WDPCP: variants seen among roughly 807,000 people sequenced by gnomAD.
WDPCP encodes WD repeat-containing and planar cell polarity effector protein fritz homolog.
Under a neutral mutation model 93.1 loss-of-function variants are expected in WDPCP, and 71 were observed. The ratio of observed to expected loss-of-function variants is 0.76; its 90% CI spans 0.63 to 0.93. The LOEUF (loss-of-function observed/expected upper bound fraction) is 0.93, where lower values mean the gene tolerates loss of function less well. Ranked by LOEUF, WDPCP falls within the 40% of genes least tolerant of loss-of-function variation. WDPCP has a pLI of 0.00. For synonymous variants in WDPCP, 315 were observed against 315.0 expected, an observed-to-expected ratio of 1.00 and a Z score of 0.00; for missense variants, 844 against 887.4, an observed-to-expected ratio of 0.95 and a Z score of 0.62.
At chr2:63,127,237 T>G (rs1426178322) in intron 17 of WDPCP, among the ~76,000 whole-genome samples, 1 of 150,710 alleles carries the variant, frequency 6.6e-6, no homozygotes, top group Non-Finnish European at 1.5e-5. Context: ...TTCTCCTGCC[T>G]CAGCCTCCCG....
intron 3 of WDPCP, chr2:63,605,525 TAA>T: frequency 2.9e-6 from 2 of 678,250 alleles, no homozygotes; most frequent in Non-Finnish European, 5.1e-6. Context: ...TATTAACAAG[TAA>T]ACTTCGGGGT....
In WDPCP at chr2:63,653,725, A is replaced by G. The variant is rs137891212; in HGVS notation, n.309-2887T>C. Among the ~76,000 whole-genome samples the G allele has an allele frequency of 1.1e-3, 166 of 152,286 alleles. 1 individual carries two copies. The East Asian group carries it at 0.028, about 26-fold the overall frequency. On this transcript the variant is annotated intron_variant and non_coding_transcript_variant, in intron 2 of 4. Transcript: ENST00000467687. The stretch of plus-strand genomic sequence containing the variant: ...CAGGAGTTCGTGACCAGCCGGGCCA[A>G]CAGGGCGAAACCCCGTCTCTACTAA...
intron 3 of WDPCP, among the ~76,000 whole-genome samples, chr2:63,648,117 G>A (rs1710073168): frequency 6.6e-6 from 1 of 152,194 alleles, no homozygotes; most frequent in South Asian, 2.1e-4. Flanking sequence ...GAGTATCATA[G>A]AACATTCTTT....
intron 10 of WDPCP, among the ~76,000 whole-genome samples, chr2:63,388,664 G>A (rs1003310882): frequency 2.0e-5 from 3 of 152,106 alleles, no homozygotes; most frequent in Admixed American, 6.6e-5. Context: ...AAAGTTAGAC[G>A]AATGGCTAAC....
intron 1 of WDPCP, among the ~76,000 whole-genome samples, chr2:63,501,704 C>T (rs1378399697): frequency 6.6e-6 from 1 of 152,014 alleles, no homozygotes; most frequent in African/African-American, 2.4e-5. Context: ...GCAACTTCCA[C>T]CTCCCGGATT....
intron 1 of WDPCP, among the ~76,000 whole-genome samples, chr2:63,567,839 C>T (rs1707188530): frequency 6.6e-6 from 1 of 152,204 alleles, no homozygotes; most frequent in Admixed American, 6.5e-5. Context: ...CAGTGCCTTT[C>T]ACGATGCCAG....
In WDPCP at chr2:63,259,382, CT is replaced by C; in HGVS notation, c.1839del (p.Gly614ValfsTer5). 1 of 1,612,100 alleles carries C rather than the reference CT, an allele frequency of 6.2e-7. No homozygotes were observed. On this transcript the variant is annotated frameshift_variant, in exon 14 of 18. Coordinates refer to ENST00000272321, the MANE Select transcript of WDPCP (RefSeq NM_015910.7). LOFTEE classifies it high-confidence loss of function. ...FMDIHYLALD[K>X]GELALAEVAR... The stretch of plus-strand genomic sequence containing the variant: ...GCCACTTCAGCTAGTGCCAATTCAC[CT>C]TTATCTAGTGCAAGGTAATGAATAT...
chr2:63,460,335 G>A (rs185227038), intron 6 of WDPCP, among the ~76,000 whole-genome samples: 6 of 152,268 alleles, frequency 3.9e-5, no homozygotes, highest in East Asian at 1.9e-4. Context: ...ACTGGGAATC[G>A]GGGGTGGGGG....
intron 6 of WDPCP, among the ~76,000 whole-genome samples, chr2:63,459,961 C>T (rs1698896647): frequency 6.6e-6 from 1 of 151,850 alleles, no homozygotes; most frequent in South Asian, 2.1e-4. Context: ...ACCATACAAT[C>T]CAGAAATCCT....
chr2:63,250,197 T>A (rs181318091), intron 14 of WDPCP, among the ~76,000 whole-genome samples: 3 of 152,226 alleles, frequency 2.0e-5, no homozygotes, highest in African/African-American at 7.2e-5. Flanking sequence ...GCTACACCAT[T>A]ACAGTCCATC....
chr2:63,509,671 G>T (rs993013172), intron 1 of WDPCP, among the ~76,000 whole-genome samples: 1 of 151,934 alleles, frequency 6.6e-6, no homozygotes, highest in Admixed American at 6.6e-5. Context: ...TAACAAAATA[G>T]ATAGACCACT....
intron 1 of WDPCP, among the ~76,000 whole-genome samples, chr2:63,530,297 T>G (rs954359484): frequency 6.6e-6 from 1 of 152,190 alleles, no homozygotes; most frequent in Admixed American, 6.5e-5. Flanking sequence ...GATGTTAGGG[T>G]GTCAATTTTA....
intron 2 of WDPCP, among the ~76,000 whole-genome samples, chr2:63,735,173 A>C (rs1669621470): frequency 6.6e-6 from 1 of 152,184 alleles, no homozygotes; most frequent in South Asian, 2.1e-4. Flanking sequence ...AAATATCTAT[A>C]ATATAGAGTG....
At chr2:63,814,758 T>C (rs1670906731) in intron 1 of WDPCP, among the ~76,000 whole-genome samples, 1 of 152,212 alleles carries the variant, frequency 6.6e-6, no homozygotes, top group African/African-American at 2.4e-5. Context: ...TTATCATAAG[T>C]TACACTATCT....
intron 3 of WDPCP, among the ~76,000 whole-genome samples, chr2:63,633,217 A>G (rs1709882737): frequency 6.6e-6 from 1 of 152,228 alleles, no homozygotes; most frequent in South Asian, 2.1e-4. Context: ...CATGTAAGAA[A>G]TACTGAAGGG....
upstream of WDPCP, among the ~76,000 whole-genome samples, chr2:63,591,991 A>G (rs1709209007): frequency 6.6e-6 from 1 of 152,176 alleles, no homozygotes; most frequent in South Asian, 2.1e-4. Flanking sequence ...TGAGTTGTGG[A>G]GCCAGGACTT....
At position 63,432,292 on chromosome 2, in the gene WDPCP, C is replaced by T. The variant is rs560646907; in HGVS notation, c.825+1453G>A. Among the ~76,000 whole-genome samples, 7 of 152,312 alleles carry T rather than the reference C, an allele frequency of 4.6e-5. No homozygotes were observed. The East Asian group carries it at 1.4e-3, about 29-fold the overall frequency. On this transcript the variant is annotated intron_variant, in intron 9 of 17. Coordinates refer to ENST00000272321, the MANE Select transcript of WDPCP (RefSeq NM_015910.7). ...AGCCTCTTCAATCTTCCCTACTTAA[C>T]ATCTCTCTAAGTAGAATCGATCACC... is the stretch of plus-strand genomic sequence containing the variant.
chr2:63,313,454 T>C (rs553068697), intron 12 of WDPCP, 143 bp from the exon 13 acceptor site: 163 of 835,222 alleles, frequency 2.0e-4, no homozygotes, highest in Non-Finnish European at 5.9e-5. Flanking sequence ...TTTGGCCTAC[T>C]AGGATCTTCC....
intron 12 of WDPCP, among the ~76,000 whole-genome samples, chr2:63,327,704 T>C (rs1277051631): frequency 6.6e-6 from 1 of 152,110 alleles, no homozygotes; most frequent in Non-Finnish European, 1.5e-5. Context: ...ACCTCTGGAG[T>C]TGGGCAACAC....
Sources: gnomAD v4.1 joint callset for allele counts (sites outside exome capture counted in the v4.1 genomes callset) on GRCh38, gnomAD v4.1.1 for gene constraint, MANE v1.5 for transcripts, NCBI Gene and HGNC (gene_info 2026-07-23, HGNC 2026-07-21) for gene names.